The following MOK variants were observed in gnomAD, a reference collection of about 807,000 sequenced individuals.
MOK encodes MAPK/MAK/MRK overlapping kinase.
A neutral mutation model predicts 54.2 loss-of-function variants in MOK; 59 were observed. The ratio of observed to expected loss-of-function variants is 1.09; its 90% CI spans 0.88 to 1.35. The LOEUF (loss-of-function observed/expected upper bound fraction) is 1.35, where lower values mean the gene tolerates loss of function less well. MOK is among the 40% of genes most tolerant of loss of function. MOK has a pLI of 0.00. For synonymous variants in MOK, 210 were observed against 202.7 expected (o/e 1.04, Z -0.31); for missense variants, 517 against 526.2 (o/e 0.98, Z 0.17).
At position 102,231,760 on chromosome 14, in the gene MOK, C is replaced by G. The variant is rs2064738682; in HGVS notation, c.928G>C (p.Ala310Pro). The G allele has an allele frequency of 6.2e-7, 1 of 1,612,442 alleles. No homozygotes were observed. The highest frequency in any genetic ancestry group is 1.1e-5 in the South Asian group (1 of 91,010). ...RKAGFPEHPV[A>P]PEPLSNSCQI... ...CAGCTGTTACTGAGTGGTTCCGGTG[C>G]CACAGGGTGCTCCGGAAAGCCAGCT... The change falls in exon 10 of 12, where the codon GCA becomes CCA. Residue 310 changes from alanine to proline, a missense_variant. By Grantham distance (27) the Ala-to-Pro change is conservative. Transcript: ENST00000361847. The surrounding 1 kb of genome is among the most constrained non-coding windows in gnomAD (Gnocchi z 4.4).
intron 1 of MOK, among the ~76,000 whole-genome samples, chr14:102,296,666 T>G (rs2071450278): frequency 6.6e-6 from 1 of 152,170 alleles, no homozygotes; most frequent in Non-Finnish European, 1.5e-5. Flanking sequence ...ACAGCTGTAA[T>G]TCCAACATAT....
At chr14:102,228,147 CTTA>C (rs2064327688), downstream of MOK, among the ~76,000 whole-genome samples, 1 of 152,214 alleles carries the variant, frequency 6.6e-6, no homozygotes, top group Admixed American at 6.5e-5. Flanking sequence ...AGGTGCCCAA[CTTA>C]TTGTTGGCAC....
intron 4 of MOK, among the ~76,000 whole-genome samples, chr14:102,256,841 A>C (rs1295802490): frequency 6.6e-6 from 1 of 152,210 alleles, no homozygotes; most frequent in Non-Finnish European, 1.5e-5. Context: ...ATAAATTCCA[A>C]GACAGGCTTT....
intron 4 of MOK, 41 bp downstream of exon 4, chr14:102,263,505 A>G (rs780716121): frequency 1.4e-6 from 2 of 1,420,086 alleles, no homozygotes; most frequent in South Asian, 2.5e-5. Flanking sequence ...TACAAGCCTT[A>G]AAAGAGGATC....
intron 1 of MOK, among the ~76,000 whole-genome samples, chr14:102,289,784 G>T (rs2070547265): frequency 6.6e-6 from 1 of 150,896 alleles, no homozygotes; most frequent in Admixed American, 6.6e-5. Context: ...TGGGATTATA[G>T]GCGTGAGCCA....
downstream of MOK, chr14:102,224,649 C>A: frequency 4.4e-6 from 2 of 456,006 alleles, no homozygotes; most frequent in Non-Finnish European, 8.8e-6. Flanking sequence ...ATGAATGCAG[C>A]CACGGAAAAC....
chr14:102,246,761 G>A (rs1257123030), intron 7 of MOK, among the ~76,000 whole-genome samples: 1 of 152,140 alleles, frequency 6.6e-6, no homozygotes, highest in Non-Finnish European at 1.5e-5. Context: ...TACCACAGCT[G>A]TGATGAATGC....
intron 1 of MOK, among the ~76,000 whole-genome samples, chr14:102,302,563 CCACCA>C (rs1434703040): frequency 1.3e-5 from 2 of 151,580 alleles, no homozygotes; most frequent in African/African-American, 4.8e-5. Flanking sequence ...CTACAGGTGC[CCACCA>C]CCACGCCTGG....
intron 2 of MOK, among the ~76,000 whole-genome samples, chr14:102,272,967 C>T (rs1024404864): frequency 6.6e-6 from 1 of 152,090 alleles, no homozygotes; most frequent in Admixed American, 6.6e-5. Flanking sequence ...GTCAGGAGTT[C>T]GAGACCAGCC....
At chr14:102,250,353 G>C (rs949363508) in intron 7 of MOK, among the ~76,000 whole-genome samples, 4 of 150,922 alleles carry the variant, frequency 2.7e-5, no homozygotes, top group Non-Finnish European at 4.4e-5. Context: ...GCCAAAGGCT[G>C]GGGGGGAGTG....
In MOK at chr14:102,229,839, C is replaced by A. The variant is rs1002527588; in HGVS notation, c.982-182G>T. On this transcript the variant is annotated intron_variant, in intron 10 of 11. Transcript: ENST00000361847. ...AGGGAGTGGCTGCCCACTAGAGTCC[C>A]ACGGGGGAGGCCAAACCTTCAGGGG... 19 of 613,336 alleles carry A rather than the reference C, an allele frequency of 3.1e-5. No individual in the cohort carries two copies. The African/African-American group carries it at 3.5e-4, about 11-fold the overall frequency. 38.0% of individuals were successfully genotyped at this position (613,336 alleles called of 1,614,324 possible).
intron 2 of MOK, among the ~76,000 whole-genome samples, chr14:102,268,522 T>C (rs2068087428): frequency 6.6e-6 from 1 of 152,188 alleles, no homozygotes; most frequent in African/African-American, 2.4e-5. Context: ...AAGAGGAATG[T>C]AGGCAGCCTT....
At chr14:102,233,981 T>A in intron 7 of MOK, 192 bp from the exon 8 acceptor site, 2 of 550,104 alleles carry the variant, frequency 3.6e-6, no homozygotes, top group Non-Finnish European at 6.5e-6. Context: ...GTGGCAAAAT[T>A]AACCAGCAAA....
intron 2 of MOK, among the ~76,000 whole-genome samples, chr14:102,266,131 CATCT>C (rs1471812753): frequency 6.6e-6 from 1 of 152,074 alleles, no homozygotes; most frequent in Non-Finnish European, 1.5e-5. Flanking sequence ...AAATTTTTCC[CATCT>C]AAGATCCTGA....
downstream of MOK, among the ~76,000 whole-genome samples, chr14:102,223,885 A>AGCT (rs1291731945): frequency 6.6e-6 from 1 of 152,154 alleles, no homozygotes; most frequent in Non-Finnish European, 1.5e-5. Flanking sequence ...CACTGTGGGC[A>AGCT]GCTGCACGTC....
intron 7 of MOK, 111 bp downstream of exon 7, chr14:102,250,699 CAG>C: frequency 9.1e-7 from 1 of 1,093,616 alleles, no homozygotes; most frequent in Admixed American, 2.9e-5. Context: ...AACAGTAAAA[CAG>C]AAAGAAAAAC....
At chr14:102,294,858 C>T (rs1160635600) in intron 1 of MOK, among the ~76,000 whole-genome samples, 1 of 152,154 alleles carries the variant, frequency 6.6e-6, no homozygotes, top group Non-Finnish European at 1.5e-5. Flanking sequence ...GGCTCGAAAC[C>T]ATCACAACCA....
rs2064851472 is a variant in MOK, at chr14:102,232,767, C to T, written c.693-59G>A. ...TGCTGTCACTGAGCGCACCGGTGGT[C>T]CACTGTCACAACTAAGGGCCCTGTG... On this transcript the variant is annotated intron_variant, in intron 8 of 11. Coordinates refer to ENST00000361847, the MANE Select transcript of MOK (RefSeq NM_014226.3). This position sits in a 1 kb window ranked among gnomAD's most constrained non-coding sequence, Gnocchi z 5.1. 1 of 1,488,332 alleles carries T rather than the reference C, an allele frequency of 6.7e-7. No homozygotes were observed. Among genetic ancestry groups the T allele is most frequent in the Admixed American group, 1.8e-5 (1 of 56,992 alleles). The allele number at this position is 1,488,332 out of a possible 1,614,324, so 92.2% of individuals were successfully genotyped here.
At position 102,236,855 on chromosome 14, in the gene MOK, T is replaced by C. The variant is rs772383992; in HGVS notation, c.591-3066A>G. 3.9e-5 allele frequency among the ~76,000 whole-genome samples: 6 copies of C among 152,186 alleles called. No homozygotes were observed. The highest frequency in any genetic ancestry group is 7.3e-5 in the Non-Finnish European group (5 of 68,044). ...TCTTCTTAGGCCAACACGTTCTTCA[T>C]ATAACACCACCATCCTCCTGGTTAA... On this transcript the variant is annotated intron_variant, in intron 7 of 11. Transcript: ENST00000361847. This position sits in a 1 kb window ranked among gnomAD's most constrained non-coding sequence, Gnocchi z 4.5.
Sources: allele counts gnomAD v4.1 joint callset (sites outside exome capture counted in the v4.1 genomes callset), GRCh38; gene constraint gnomAD v4.1.1; non-coding constraint Gnocchi (gnomAD v3.1); transcripts MANE v1.5; gene names NCBI Gene and HGNC (gene_info 2026-07-23, HGNC 2026-07-21).